Variants in DMBT1 observed in about 807,000 individuals in gnomAD.
DMBT1 encodes the protein scavenger receptor cysteine-rich domain-containing protein DMBT1.
Under a neutral mutation model 252.9 loss-of-function variants are expected in DMBT1, and 198 were observed. That is an observed-to-expected ratio of 0.78 (90% CI 0.70 to 0.88). The LOEUF is 0.88. Among genes scored for constraint, DMBT1 ranks in the 40% least tolerant of loss-of-function variants. The pLI is 0.00. For synonymous variants in DMBT1, 990 were observed against 942.7 expected (o/e 1.05, Z -0.92); for missense variants, 2,432 against 2,404.7 (o/e 1.01, Z -0.24).
Position 122,629,820 on chromosome 10 carries a change from G to A in DMBT1, c.5669-20G>A, listed in dbSNP as rs758323439. On this transcript the variant is annotated intron_variant, in intron 46 of 55. Coordinates refer to ENST00000338354, the MANE Select transcript of DMBT1 (RefSeq NM_001377530.1). ...CCTGAAGACCTGGTACAATGGAGAT[G>A]TCCCCTCTCTCCTCTCTAGGACCCT... is the stretch of plus-strand genomic sequence containing the variant. 53 of 1,611,524 alleles carry A rather than the reference G, an allele frequency of 3.3e-5. No individual in the cohort carries two copies. Among genetic ancestry groups the A allele is most frequent in the Non-Finnish European group, 4.1e-5 (48 of 1,178,800 alleles).
chr10:122,620,932 A>G lies in DMBT1; in HGVS notation c.5285-125A>G, dbSNP rs77312513. ...TGAAGCTGAACCTCTGTCTGTATTCATATTCAAAGGTGATTACCTGCACAC... is the reference window on the plus strand; with the variant it reads ...TGAAGCTGAACCTCTGTCTGTATTCGTATTCAAAGGTGATTACCTGCACAC... On this transcript the variant is annotated intron_variant, in intron 43 of 55. Transcript: ENST00000338354. 8.9e-3 allele frequency: 13,491 copies of G among 1,519,012 alleles called. 585 individuals carry two copies. In the East Asian group the frequency reaches 0.12, roughly 13 times the overall value. 94.1% of individuals were successfully genotyped at this position (1,519,012 alleles called of 1,614,324 possible).
At chr10:122,584,821 A>G (rs936389548) in intron 14 of DMBT1, among the ~76,000 whole-genome samples, 1 of 149,198 alleles carries the variant, frequency 6.7e-6, no homozygotes, top group Non-Finnish European at 1.5e-5. Context: ...GCAGCGCTAC[A>G]TGTGCATCCA....
In DMBT1 at chr10:122,593,209, T is replaced by C. The variant is rs192238059; in HGVS notation, c.2501-360T>C. Among the ~76,000 whole-genome samples, 33 of 148,814 alleles carry C rather than the reference T, an allele frequency of 2.2e-4. 3 individuals are homozygous for C. The South Asian group carries it at 5.4e-3, about 24-fold the overall frequency. On this transcript the variant is annotated intron_variant, in intron 20 of 55. Coordinates refer to ENST00000338354, the MANE Select transcript of DMBT1 (RefSeq NM_001377530.1). ...CCATGAGACAGGCCAGGCATGGCCT[T>C]GTTATTGCCTGTGGTCGGGGCTTGA... is the stretch of plus-strand genomic sequence containing the variant.
At chr10:122,634,384 CTTTCTTTCT>C (rs2098196828) in intron 52 of DMBT1, among the ~76,000 whole-genome samples, 1 of 136,034 alleles carries the variant, frequency 7.4e-6, no homozygotes, top group African/African-American at 2.8e-5. Flanking sequence ...TTCTTTCTTT[CTTTCTTTCT>C]TTCTTTCTTT....
intron 6 of DMBT1, among the ~76,000 whole-genome samples, chr10:122,576,049 G>A (rs1014870697): frequency 6.6e-6 from 1 of 152,186 alleles, no homozygotes. Flanking sequence ...TGATGTTATC[G>A]TGCTGCTCTT....
At chr10:122,591,390 A>C in intron 18 of DMBT1, 89 bp from the exon 19 acceptor site, 1 of 1,386,172 alleles carries the variant, frequency 7.2e-7, no homozygotes. Flanking sequence ...AAGAATATTC[A>C]TGATGCTTGC....
chr10:122,588,868 C>T (rs2097820571), intron 16 of DMBT1, 76 bp from the exon 17 acceptor site: 1 of 1,575,804 alleles, frequency 6.3e-7, no homozygotes, highest in Non-Finnish European at 8.6e-7. Flanking sequence ...TTAGGAAGTG[C>T]CCTGAGTGTG....
intron 46 of DMBT1, 111 bp downstream of exon 46, chr10:122,626,076 T>C: frequency 4.6e-6 from 4 of 870,166 alleles, no homozygotes; most frequent in Non-Finnish European, 6.0e-6. Context: ...AATCTGCACA[T>C]AGCCCTGGCC....
rs748342306 is a variant in DMBT1 at position 122,579,590 on chromosome 10, G to C, written c.692G>C (p.Ser231Thr). 7.4e-6 allele frequency: 12 copies of C among 1,613,194 alleles called. 1 individual carries two copies. Among genetic ancestry groups the C allele is most frequent in the South Asian group, 4.4e-5 (4 of 91,050 alleles). ...PPVPTEGSES[S>T]LALRLVNGGD... ...TGTTCCCCTGTAGGATCTGAATCCA[G>C]TTTGGCCCTGAGGCTGGTGAATGGA... Residue 231 changes from serine (S) to threonine (T), a missense_variant, in exon 10 of 56, where the codon AGT becomes ACT. By Grantham distance (58) the Ser-to-Thr change is moderately conservative (BLOSUM62 1). Coordinates refer to ENST00000338354, the MANE Select transcript of DMBT1 (RefSeq NM_001377530.1).
chr10:122,636,294 G>A (rs2098226474), intron 53 of DMBT1, 95 bp downstream of exon 53: 3 of 1,208,086 alleles, frequency 2.5e-6, no homozygotes, highest in East Asian at 2.5e-5. Flanking sequence ...AAGAAATGAA[G>A]GAACCCTTTC....
At chr10:122,568,965 A>G (rs1178916265) in intron 2 of DMBT1, among the ~76,000 whole-genome samples, 1 of 152,208 alleles carries the variant, frequency 6.6e-6, no homozygotes, top group Non-Finnish European at 1.5e-5. Flanking sequence ...ATTACCACAC[A>G]TAAGTATGTG....
At chr10:122,584,404 T>A in intron 14 of DMBT1, 53 bp downstream of exon 14, 1 of 378,188 alleles carries the variant, frequency 2.6e-6, no homozygotes, top group Non-Finnish European at 4.7e-6. Context: ...TGTATAATTA[T>A]CCCTTTCTGC....
Position 122,572,312 on chromosome 10 carries a change from A to T in DMBT1, c.188-2A>T. The T allele has an allele frequency of 6.2e-7, 1 of 1,613,270 alleles. No homozygotes were observed. The highest frequency in any genetic ancestry group is 8.5e-7 in the Non-Finnish European group (1 of 1,179,378). ...TGAGCTCTTCCTTTCTCCACCCTGC[A>T]GGTTCTCCGATTTCCTTGGAGTCAA... is the stretch of plus-strand genomic sequence containing the variant. On this transcript the variant is annotated splice_acceptor_variant, in intron 4 of 55. Transcript: ENST00000338354. LOFTEE classifies it high-confidence loss of function.
intron 24 of DMBT1, 102 bp from the exon 25 acceptor site, chr10:122,597,872 G>C (rs55838439): frequency 1.7e-4 from 266 of 1,561,854 alleles, no homozygotes; most frequent in Non-Finnish European, 2.2e-4. Context: ...GGAACCAGAA[G>C]TGGGGTAGTT....
At chr10:122,624,297 G>T (rs1391024371) in intron 44 of DMBT1, among the ~76,000 whole-genome samples, 1 of 152,178 alleles carries the variant, frequency 6.6e-6, no homozygotes, top group Admixed American at 6.5e-5. Context: ...AACTCCATCA[G>T]AGAACATGCA....
chr10:122,570,130 C>A, intron 2 of DMBT1, 32 bp from the exon 3 acceptor site: 2 of 1,574,478 alleles, frequency 1.3e-6, no homozygotes, highest in South Asian at 1.1e-5. Flanking sequence ...CAAGGGCTAC[C>A]ATCAATGAGC....
Position 122,592,552 on chromosome 10 carries a change from C to T in DMBT1, c.2457C>T (p.Ser819=). 1 of 1,588,336 alleles carries T rather than the reference C, an allele frequency of 6.3e-7. No individual in the cohort carries two copies. The highest frequency in any genetic ancestry group is 8.6e-7 in the Non-Finnish European group (1 of 1,165,612). ...LWSCPHNGWL[S]HNCGHHEDAG... The stretch of plus-strand genomic sequence containing the variant: ...GCTGCCCCCACAATGGCTGGCTCTC[C>T]CACAACTGTGGCCATCATGAAGATG... The change falls in exon 20 of 56, where the codon TCC becomes TCT. Residue 819 remains serine, a synonymous_variant. Transcript: ENST00000338354.
intron 1 of DMBT1, among the ~76,000 whole-genome samples, chr10:122,562,377 A>T (rs7081024): frequency 6.6e-6 from 1 of 151,738 alleles, no homozygotes. Context: ...CAGCACCCCC[A>T]AACCCAGCCC....
intron 41 of DMBT1, among the ~76,000 whole-genome samples, chr10:122,618,820 CTGTT>C (rs1430333681): frequency 1.3e-5 from 2 of 152,234 alleles, no homozygotes. Flanking sequence ...AAATGCATGT[CTGTT>C]TGTGTCAGGC....
Sources: allele counts gnomAD v4.1 joint callset (sites outside exome capture counted in the v4.1 genomes callset), GRCh38; gene constraint gnomAD v4.1.1; transcripts MANE v1.5; gene names NCBI Gene and HGNC (gene_info 2026-07-23, HGNC 2026-07-21).